Variants in GNAT3 observed in about 807,000 individuals in gnomAD.
GNAT3 encodes the protein G protein subunit alpha transducin 3, also known as guanine nucleotide-binding protein G(t) subunit alpha-3.
Under a neutral mutation model 37.7 loss-of-function variants are expected in GNAT3, and 31 were observed. The ratio of observed to expected loss-of-function variants is 0.82; its 90% CI spans 0.62 to 1.11. GNAT3 has a LOEUF of 1.11. Ranked by LOEUF, GNAT3 falls within the 50% of genes most tolerant of loss-of-function variation. The pLI is 0.00. For synonymous variants in GNAT3, 138 were observed against 139.8 expected, an observed-to-expected ratio of 0.99 and a Z score of 0.09; for missense variants, 437 against 412.5, an observed-to-expected ratio of 1.06 and a Z score of -0.51.
intron 1 of GNAT3, among the ~76,000 whole-genome samples, chr7:80,509,321 C>T (rs1446968574): frequency 2.0e-5 from 3 of 151,890 alleles, no homozygotes; most frequent in Non-Finnish European, 2.9e-5. Flanking sequence ...GGAAACTTAG[C>T]CAGATGTTTG....
chr7:80,459,287 T>A (rs1012930803), intron 7 of GNAT3, among the ~76,000 whole-genome samples: 1 of 152,044 alleles, frequency 6.6e-6, no homozygotes, highest in Admixed American at 6.6e-5. Flanking sequence ...CAGAGAAAAG[T>A]AAGTGAAAAC....
chr7:80,495,914 G>A (rs529593645), intron 1 of GNAT3, among the ~76,000 whole-genome samples: 33 of 151,964 alleles, frequency 2.2e-4, no homozygotes, highest in Non-Finnish European at 4.3e-4. Context: ...CTTTTTTCTC[G>A]TTGAGTTGTT....
intron 3 of GNAT3, among the ~76,000 whole-genome samples, chr7:80,485,199 C>G (rs1008984461): frequency 6.6e-6 from 1 of 151,100 alleles, no homozygotes; most frequent in African/African-American, 2.4e-5. Flanking sequence ...CTTCCCTAGA[C>G]TCTGTTATCC....
intron 3 of GNAT3, 112 bp downstream of exon 3, chr7:80,488,423 T>C (rs1235329565): frequency 1.3e-6 from 1 of 786,202 alleles, no homozygotes; most frequent in Non-Finnish European, 1.9e-6. Context: ...AATTCATGTT[T>C]CATATTTTTA....
chr7:80,474,521 T>G (rs1790273632), intron 4 of GNAT3, 142 bp from the exon 5 acceptor site: 1 of 375,650 alleles, frequency 2.7e-6, no homozygotes, highest in African/African-American at 2.1e-5. Context: ...AAACCAGGAT[T>G]CAGTAGAAAT....
At chr7:80,468,507 A>C (rs1790159583) in intron 5 of GNAT3, among the ~76,000 whole-genome samples, 1 of 152,108 alleles carries the variant, frequency 6.6e-6, no homozygotes, top group African/African-American at 2.4e-5. Flanking sequence ...ATTTATTTTA[A>C]GGTATTCTAT....
intron 1 of GNAT3, among the ~76,000 whole-genome samples, chr7:80,497,602 A>ATATACG (rs1790750070): frequency 8.3e-6 from 1 of 120,756 alleles, no homozygotes; most frequent in African/African-American, 4.0e-5. Flanking sequence ...ACGTATATAC[A>ATATACG]TATACGTATA....
intron 3 of GNAT3, among the ~76,000 whole-genome samples, chr7:80,482,070 C>A (rs1401137246): frequency 6.6e-6 from 1 of 152,104 alleles, no homozygotes; most frequent in East Asian, 1.9e-4. Flanking sequence ...TTCTCAGGAC[C>A]TCCTGAGGCT....
chr7:80,462,583 G>A lies in GNAT3; in HGVS notation c.639C>T (p.His213=), dbSNP rs2116138588. 6.2e-7 allele frequency: 1 copy of A among 1,612,406 alleles called. No homozygotes were observed. The highest frequency in any genetic ancestry group is 8.5e-7 in the Non-Finnish European group (1 of 1,178,560). ...GQRSERKKWI[H]CFEGVTCIIF... ...TAATGCATGTAACTCCTTCAAAGCA[G>A]TGAATCCACTTCTTTCTCTCAGATC... Residue 213 remains histidine, a synonymous_variant, in exon 6 of 8, where the codon CAC becomes CAT. Coordinates refer to ENST00000398291, the MANE Select transcript of GNAT3 (RefSeq NM_001102386.3).
intron 1 of GNAT3, among the ~76,000 whole-genome samples, chr7:80,505,447 A>G (rs972601533): frequency 3.9e-5 from 6 of 152,122 alleles, no homozygotes; most frequent in African/African-American, 9.7e-5. Context: ...GCTCACTGCA[A>G]GCTCCGCCTC....
chr7:80,474,416 A>C (rs1489090408), intron 4 of GNAT3, 37 bp from the exon 5 acceptor site: 1 of 995,720 alleles, frequency 1.0e-6, no homozygotes. Context: ...ATGTGTATAT[A>C]TAATACATAA....
chr7:80,458,641 A>G lies in GNAT3; in HGVS notation c.*30T>C, dbSNP rs539363520. ...TTCTTTTATATTTTGAAAAGCATACATGAGCAAGAGTGGAAGAGAAAATAG... is the reference window on the plus strand; with the variant it reads ...TTCTTTTATATTTTGAAAAGCATACGTGAGCAAGAGTGGAAGAGAAAATAG... On this transcript the variant is annotated 3_prime_UTR_variant, in exon 8 of 8. Coordinates refer to ENST00000398291, the MANE Select transcript of GNAT3 (RefSeq NM_001102386.3). 27 of 1,317,608 alleles carry G rather than the reference A, an allele frequency of 2.0e-5. No homozygotes were observed. The highest frequency in any genetic ancestry group is 1.9e-4 in the Middle Eastern group (1 of 5,358). 81.6% of individuals were successfully genotyped at this position (1,317,608 alleles called of 1,614,324 possible).
chr7:80,473,255 T>C (rs1584172947), intron 5 of GNAT3, among the ~76,000 whole-genome samples: 1 of 152,278 alleles, frequency 6.6e-6, no homozygotes, highest in South Asian at 2.1e-4. Context: ...GGCCTAAAAT[T>C]TAGATACGAA....
chr7:80,508,433 G>A (rs560033586), intron 1 of GNAT3, among the ~76,000 whole-genome samples: 4 of 151,920 alleles, frequency 2.6e-5, no homozygotes, highest in African/African-American at 4.8e-5. Flanking sequence ...TGAATGAAAC[G>A]TTTATAAAAC....
chr7:80,481,531 C>A (rs909164307), intron 3 of GNAT3, among the ~76,000 whole-genome samples: 4 of 151,876 alleles, frequency 2.6e-5, no homozygotes, highest in African/African-American at 9.7e-5. Context: ...TAGAGCAGGC[C>A]CTGAAAGAAA....
intron 1 of GNAT3, among the ~76,000 whole-genome samples, chr7:80,498,110 G>A (rs1246321564): frequency 1.3e-5 from 2 of 152,038 alleles, no homozygotes; most frequent in Non-Finnish European, 2.9e-5. Context: ...TTATAAATTT[G>A]TGAAAAAAGT....
At position 80,512,012 on chromosome 7, in the gene GNAT3, G is replaced by C; in HGVS notation, c.-86C>G. 1.2e-6 allele frequency: 1 copy of C among 852,414 alleles called. No individual in the cohort carries two copies. The highest frequency in any genetic ancestry group is 1.5e-5 in the South Asian group (1 of 68,712). 52.8% of individuals were successfully genotyped at this position (852,414 alleles called of 1,614,324 possible). On this transcript the variant is annotated 5_prime_UTR_variant, in exon 1 of 8. Transcript: ENST00000398291. ...TGTGGTTTGGACATAGGAGGCAAGAGTAATGCTCTGCTGAAGTACCTAGCA... is the reference window on the plus strand; with the variant it reads ...TGTGGTTTGGACATAGGAGGCAAGACTAATGCTCTGCTGAAGTACCTAGCA...
At chr7:80,505,527 C>T (rs555758662) in intron 1 of GNAT3, among the ~76,000 whole-genome samples, 2 of 152,158 alleles carry the variant, frequency 1.3e-5, no homozygotes, top group African/African-American at 4.8e-5. Flanking sequence ...CCAACACGCC[C>T]GGCTAACTTT....
chr7:80,458,690 T>C lies in GNAT3; in HGVS notation c.1046A>G (p.Lys349Arg). Residue 349 changes from lysine (K) to arginine (R), a missense_variant, in exon 8 of 8, where the codon AAA becomes AGA. Physicochemically the swap from Lys to Arg is conservative, Grantham distance 26 (BLOSUM62 2). Transcript: ENST00000398291. ...AGTTGATTAGAAAAGCCCACAGTCTTTTAGATTCTCTTTGATTATTATATC... is the reference window on the plus strand; with the variant it reads ...AGTTGATTAGAAAAGCCCACAGTCTCTTAGATTCTCTTTGATTATTATATC... ...VTDIIIKENL[K>R]DCGLF The C allele has an allele frequency of 6.4e-7, 1 of 1,569,554 alleles. No individual in the cohort carries two copies. Among genetic ancestry groups the C allele is most frequent in the Non-Finnish European group, 8.6e-7 (1 of 1,159,826 alleles).
Sources: allele counts gnomAD v4.1 joint callset (sites outside exome capture counted in the v4.1 genomes callset), GRCh38; gene constraint gnomAD v4.1.1; transcripts MANE v1.5; gene names NCBI Gene and HGNC (gene_info 2026-07-23, HGNC 2026-07-21).